The following ARHGAP42 variants were observed in gnomAD, a reference collection of about 807,000 sequenced individuals.
The protein encoded by ARHGAP42 is rho GTPase-activating protein 42.
A neutral mutation model predicts 125.0 loss-of-function variants in ARHGAP42; 63 were observed. The observed-to-expected ratio is 0.50, with a 90% CI of 0.41 to 0.62. ARHGAP42 has a LOEUF of 0.62. Among genes scored for constraint, ARHGAP42 ranks in the 20% least tolerant of loss-of-function variants. The pLI is 0.00. For missense variants in ARHGAP42, 766 were observed against 1,024.2 expected, an observed-to-expected ratio of 0.75 and a Z score of 3.44; for synonymous variants, 339 against 351.0, an observed-to-expected ratio of 0.97 and a Z score of 0.38.
chr11:100,926,614 C>T (rs1001359933), intron 6 of ARHGAP42, among the ~76,000 whole-genome samples: 1 of 152,176 alleles, frequency 6.6e-6, no homozygotes, highest in Admixed American at 6.5e-5. Context: ...AAATATGGCA[C>T]ACTTTACAAA....
chr11:100,961,834 C>T (rs760766735), intron 15 of ARHGAP42, 66 bp downstream of exon 15: 81 of 1,345,314 alleles, frequency 6.0e-5, no homozygotes, highest in Middle Eastern at 1.8e-4. Context: ...GTAGTAACCA[C>T]GTGATTTCTT....
intron 9 of ARHGAP42, among the ~76,000 whole-genome samples, chr11:100,943,104 G>T (rs1440387805): frequency 6.6e-6 from 1 of 151,934 alleles, no homozygotes; most frequent in Non-Finnish European, 1.5e-5. Context: ...TAGCGGTGTA[G>T]CAGTGGGTTA....
chr11:100,968,262 T>G (rs1241257934), intron 17 of ARHGAP42, among the ~76,000 whole-genome samples: 1 of 152,186 alleles, frequency 6.6e-6, no homozygotes, highest in Non-Finnish European at 1.5e-5. Context: ...AATCTCTGAC[T>G]TGATTATATT....
rs960561989 is a variant in ARHGAP42 at position 100,702,504 on chromosome 11, C to G, written c.154+14672C>G. ...GACAGAGACAGGAAATGAGCACATG[C>G]TTTTGGAAAAGTGGTATCAATAGAC... On this transcript the variant is annotated intron_variant, in intron 1 of 23. Transcript: ENST00000298815. Among the ~76,000 whole-genome samples the G allele has an allele frequency of 4.0e-5, 6 of 151,264 alleles. No homozygotes were observed. The East Asian group carries it at 1.2e-3, about 29-fold the overall frequency.
chr11:100,811,990 G>T (rs7932727), intron 3 of ARHGAP42, among the ~76,000 whole-genome samples: 1,892 of 151,890 alleles, frequency 0.012, 50 homozygotes, highest in African/African-American at 0.043. Flanking sequence ...ATAGAGATGG[G>T]GTCTCTCCCC....
intron 22 of ARHGAP42, among the ~76,000 whole-genome samples, chr11:100,986,800 A>G (rs1420069033): frequency 1.3e-5 from 2 of 151,668 alleles, no homozygotes; most frequent in South Asian, 4.2e-4. Context: ...TGGCTCAAAT[A>G]TTTTTGGATC....
intron 12 of ARHGAP42, among the ~76,000 whole-genome samples, chr11:100,953,257 A>C (rs2135288027): frequency 6.6e-6 from 1 of 152,234 alleles, no homozygotes; most frequent in South Asian, 2.1e-4. Flanking sequence ...GCCACTTCGA[A>C]GAGTACTCAT....
At chr11:100,881,607 T>C (rs1467390671) in intron 4 of ARHGAP42, among the ~76,000 whole-genome samples, 1 of 152,192 alleles carries the variant, frequency 6.6e-6, no homozygotes, top group Non-Finnish European at 1.5e-5. Context: ...TTTCTAGTTA[T>C]GTGAAGAATG....
intron 2 of ARHGAP42, among the ~76,000 whole-genome samples, chr11:100,793,709 TA>T: frequency 6.6e-6 from 1 of 152,356 alleles, no homozygotes; most frequent in South Asian, 2.1e-4. Flanking sequence ...CCAGAATTAC[TA>T]AACTTCTGGT....
Position 100,959,559 on chromosome 11 carries a change from G to A in ARHGAP42, c.1163-324G>A, listed in dbSNP as rs113336649. ...AATACAAGTTTCAATACATAATAAG[G>A]ATTTATTCTTACTGCATTTGCTCCT... is the stretch of plus-strand genomic sequence containing the variant. On this transcript the variant is annotated intron_variant, in intron 12 of 23. Transcript: ENST00000298815. Among the ~76,000 whole-genome samples, 1,505 of 152,102 alleles carry A rather than the reference G, an allele frequency of 9.9e-3. 25 individuals are homozygous for A. Among genetic ancestry groups the A allele is most frequent in the African/African-American group, 0.035 (1,444 of 41,514 alleles).
intron 17 of ARHGAP42, among the ~76,000 whole-genome samples, chr11:100,967,097 A>G (rs1264383482): frequency 2.6e-5 from 4 of 152,174 alleles, no homozygotes. Context: ...ATCACCACAA[A>G]TTTACTTATA....
At chr11:100,800,441 C>G (rs1863823543) in intron 3 of ARHGAP42, among the ~76,000 whole-genome samples, 1 of 152,094 alleles carries the variant, frequency 6.6e-6, no homozygotes, top group South Asian at 2.1e-4. Context: ...AGCTGGGAGA[C>G]AGGCCTTAGG....
At chr11:100,857,289 T>C (rs1445378608) in intron 3 of ARHGAP42, among the ~76,000 whole-genome samples, 1 of 151,880 alleles carries the variant, frequency 6.6e-6, no homozygotes, top group Non-Finnish European at 1.5e-5. Context: ...GTGGAAGAAA[T>C]AGAGATAGGA....
chr11:100,892,552 T>C (rs878963301), intron 4 of ARHGAP42, among the ~76,000 whole-genome samples: 3 of 152,278 alleles, frequency 2.0e-5, no homozygotes, highest in Admixed American at 6.5e-5. Flanking sequence ...AAGAAACCAT[T>C]CTTATAAATA....
In ARHGAP42 at chr11:100,987,610, C is replaced by T. The variant is rs568664086; in HGVS notation, c.2536+18C>T. On this transcript the variant is annotated intron_variant, in intron 23 of 23. Transcript: ENST00000298815. The stretch of plus-strand genomic sequence containing the variant: ...TTCTAATGGTAAGTATGTCAATTCC[C>T]TCTGCCTAAGTTTGTCATCATGGGG... 1 of 1,547,256 alleles carries T rather than the reference C, an allele frequency of 6.5e-7. No individual in the cohort carries two copies. The highest frequency in any genetic ancestry group is 2.0e-5 in the Admixed American group (1 of 50,954).
At chr11:100,851,386 A>T (rs1865201055) in intron 3 of ARHGAP42, among the ~76,000 whole-genome samples, 1 of 152,218 alleles carries the variant, frequency 6.6e-6, no homozygotes, top group African/African-American at 2.4e-5. Context: ...TTGATCCCAT[A>T]AGATTATAAT....
At chr11:100,856,059 A>G (rs114822316) in intron 3 of ARHGAP42, among the ~76,000 whole-genome samples, 1 of 152,066 alleles carries the variant, frequency 6.6e-6, no homozygotes, top group Admixed American at 6.6e-5. Context: ...TTCCACAGAT[A>G]CTGTGGGATC....
intron 22 of ARHGAP42, among the ~76,000 whole-genome samples, chr11:100,985,712 A>T (rs1858660875): frequency 6.6e-6 from 1 of 152,192 alleles, no homozygotes; most frequent in African/African-American, 2.4e-5. Flanking sequence ...CCCGCTAGCA[A>T]GCTTTCTGAA....
chr11:100,721,057 G>T (rs533338946), intron 1 of ARHGAP42, among the ~76,000 whole-genome samples: 2 of 151,810 alleles, frequency 1.3e-5, no homozygotes, highest in East Asian at 3.9e-4. Flanking sequence ...TTAACATCTC[G>T]CATTAGTGTG....
Sources: allele counts gnomAD v4.1 joint callset (sites outside exome capture counted in the v4.1 genomes callset), GRCh38; gene constraint gnomAD v4.1.1; transcripts MANE v1.5; gene names NCBI Gene and HGNC (gene_info 2026-07-23, HGNC 2026-07-21).